The following NCOA1 variants were observed in gnomAD, a reference collection of about 807,000 sequenced individuals.
The protein encoded by NCOA1 is Hin-2 protein.
A neutral mutation model predicts 150.9 loss-of-function variants in NCOA1; 35 were observed. That is an observed-to-expected ratio of 0.23 (90% CI 0.18 to 0.31). The LOEUF (loss-of-function observed/expected upper bound fraction) is 0.31, where lower values mean the gene tolerates loss of function less well. NCOA1 is among the 10% of genes least tolerant of loss of function. The pLI is 1.00. For missense variants in NCOA1, 1,491 were observed against 1,749.3 expected (o/e 0.85, Z 2.63); for synonymous variants, 590 against 630.0 (o/e 0.94, Z 0.95).
At chr2:24,693,425 T>C in intron 10 of NCOA1, 78 bp downstream of exon 10, 1 of 1,235,162 alleles carries the variant, frequency 8.1e-7, no homozygotes, top group East Asian at 2.3e-5. Context: ...ATATCCAGAA[T>C]GTCTTTCTGT....
chr2:24,610,022 C>T (rs547208148), intron 3 of NCOA1, among the ~76,000 whole-genome samples: 1 of 151,568 alleles, frequency 6.6e-6, no homozygotes, highest in Admixed American at 6.6e-5. Context: ...GCATTGTGAT[C>T]AGGGAATGTA....
At chr2:24,691,841 A>C (rs1672680820) in intron 9 of NCOA1, among the ~76,000 whole-genome samples, 181 bp downstream of exon 9, 1 of 152,240 alleles carries the variant, frequency 6.6e-6, no homozygotes. Context: ...ACTAACATCT[A>C]GAATCATTCC....
chr2:24,564,238 A>G (rs926393625), intron 1 of NCOA1, 57 bp from the exon 2 acceptor site: 3 of 152,196 alleles, frequency 2.0e-5, no homozygotes, highest in Non-Finnish European at 4.4e-5. Context: ...GTGTCACACT[A>G]CCCAAAATCT....
intron 1 of NCOA1, among the ~76,000 whole-genome samples, chr2:24,511,053 A>G (rs537236417): frequency 1.3e-5 from 2 of 152,276 alleles, no homozygotes; most frequent in Non-Finnish European, 2.9e-5. Flanking sequence ...TGCTGTCTCT[A>G]TGGATTTGCC....
At chr2:24,622,102 C>T (rs900846887) in intron 3 of NCOA1, among the ~76,000 whole-genome samples, 4 of 152,198 alleles carry the variant, frequency 2.6e-5, no homozygotes, top group South Asian at 4.1e-4. Flanking sequence ...GAGAACCATA[C>T]AGCAGTTTGG....
At chr2:24,717,118 G>A (rs554163398) in intron 14 of NCOA1, among the ~76,000 whole-genome samples, 5 of 152,252 alleles carry the variant, frequency 3.3e-5, no homozygotes, top group African/African-American at 7.2e-5. Flanking sequence ...ATATGCTGGC[G>A]AGGATGTAGA....
intron 1 of NCOA1, among the ~76,000 whole-genome samples, chr2:24,529,089 T>C (rs978690804): frequency 3.3e-5 from 5 of 152,216 alleles, no homozygotes; most frequent in Non-Finnish European, 5.9e-5. Flanking sequence ...GGTTTCACCA[T>C]GTTAGCCAGG....
intron 3 of NCOA1, among the ~76,000 whole-genome samples, chr2:24,629,850 A>G (rs185261975): frequency 0.014 from 1,761 of 123,448 alleles, 59 homozygotes; most frequent in African/African-American, 0.051. Context: ...ATATATATGT[A>G]TTTTTTTTTT....
At chr2:24,568,778 A>T (rs1423101137) in intron 2 of NCOA1, among the ~76,000 whole-genome samples, 3 of 152,232 alleles carry the variant, frequency 2.0e-5, no homozygotes, top group African/African-American at 7.2e-5. Context: ...TATCAAAGAC[A>T]TACCATCTGG....
intron 13 of NCOA1, among the ~76,000 whole-genome samples, chr2:24,708,532 T>C (rs1673575914): frequency 6.6e-6 from 1 of 152,118 alleles, no homozygotes. Context: ...GAAAGTGGTG[T>C]AAAAGTAAAC....
chr2:24,647,850 G>A (rs1294624518), intron 4 of NCOA1, among the ~76,000 whole-genome samples: 2 of 152,208 alleles, frequency 1.3e-5, no homozygotes, highest in African/African-American at 4.8e-5. Context: ...TATTTGAGAA[G>A]TACTGTACTG....
At chr2:24,651,120 A>G (rs1670692261) in intron 4 of NCOA1, among the ~76,000 whole-genome samples, 1 of 152,114 alleles carries the variant, frequency 6.6e-6, no homozygotes, top group African/African-American at 2.4e-5. Context: ...TGGAGCAGCC[A>G]TTATGAAAAA....
intron 5 of NCOA1, among the ~76,000 whole-genome samples, chr2:24,663,865 T>C (rs1054521937): frequency 1.3e-5 from 2 of 152,192 alleles, no homozygotes; most frequent in Non-Finnish European, 2.9e-5. Flanking sequence ...TCTATCACTT[T>C]TTTCTTTTCC....
intron 3 of NCOA1, among the ~76,000 whole-genome samples, chr2:24,619,950 G>T (rs988302916): frequency 1.3e-5 from 2 of 151,998 alleles, no homozygotes; most frequent in Non-Finnish European, 2.9e-5. Context: ...TTCTTTCTCA[G>T]ATTTTCTTGT....
At chr2:24,730,038 G>T (rs775172491) in intron 17 of NCOA1, among the ~76,000 whole-genome samples, 29 of 152,192 alleles carry the variant, frequency 1.9e-4, no homozygotes, top group Non-Finnish European at 3.4e-4. Flanking sequence ...TAAAGACAGG[G>T]TTTCACCATA....
At chr2:24,760,082 A>G (rs528302674) in intron 21 of NCOA1, among the ~76,000 whole-genome samples, 1 of 151,048 alleles carries the variant, frequency 6.6e-6, no homozygotes, top group Admixed American at 6.6e-5. Flanking sequence ...TTGTAGTTCT[A>G]AATTTCCATT....
chr2:24,564,093 T>TA (rs1400314147), intron 1 of NCOA1, among the ~76,000 whole-genome samples: 4 of 152,254 alleles, frequency 2.6e-5, no homozygotes, highest in African/African-American at 9.6e-5. Context: ...GTCAACTTGA[T>TA]ATATTTATCT....
At chr2:24,679,849 G>A (rs927384336) in intron 7 of NCOA1, among the ~76,000 whole-genome samples, 33 of 152,056 alleles carry the variant, frequency 2.2e-4, no homozygotes, top group Admixed American at 3.9e-4. Flanking sequence ...AAGTCACGGC[G>A]ATCGGGTAGA....
chr2:24,566,358 G>A (rs1400733439), intron 2 of NCOA1, among the ~76,000 whole-genome samples: 4 of 152,060 alleles, frequency 2.6e-5, no homozygotes, highest in African/African-American at 9.7e-5. Flanking sequence ...AGACCCTGGA[G>A]TGGGCAGCTC....
Sources: gnomAD v4.1 joint callset for allele counts (sites outside exome capture counted in the v4.1 genomes callset) on GRCh38, gnomAD v4.1.1 for gene constraint, MANE v1.5 for transcripts, NCBI Gene and HGNC (gene_info 2026-07-23, HGNC 2026-07-21) for gene names.